The following FBXL17 variants were observed in gnomAD, a reference collection of about 807,000 sequenced individuals.
The protein encoded by FBXL17 is F-box/LRR-repeat protein 17.
A neutral mutation model predicts 66.2 loss-of-function variants in FBXL17; 22 were observed. The ratio of observed to expected loss-of-function variants is 0.33; its 90% CI spans 0.24 to 0.47. The LOEUF (loss-of-function observed/expected upper bound fraction) is 0.47. Among genes scored for constraint, FBXL17 ranks in the 20% least tolerant of loss-of-function variants. The pLI is 1.00. For missense variants in FBXL17, 878 were observed against 948.2 expected (o/e 0.93, Z 0.97); for synonymous variants, 474 against 400.5 (o/e 1.18, Z -2.19).
intron 8 of FBXL17, among the ~76,000 whole-genome samples, chr5:107,865,778 G>T (rs1163510866): frequency 6.6e-6 from 1 of 152,134 alleles, no homozygotes; most frequent in African/African-American, 2.4e-5. Context: ...CTTAGGGAGG[G>T]TTATTTTACT....
At chr5:108,113,545 G>C (rs1028779130) in intron 6 of FBXL17, among the ~76,000 whole-genome samples, 2 of 152,036 alleles carry the variant, frequency 1.3e-5, no homozygotes, top group African/African-American at 4.8e-5. Context: ...TGAAAATTAT[G>C]GGCAAGTGGA....
In FBXL17 at chr5:107,881,168, T is replaced by G. The variant is rs770890874; in HGVS notation, c.1834A>C (p.Ile612Leu). The G allele has an allele frequency of 1.2e-6, 2 of 1,604,700 alleles. No individual in the cohort carries two copies. The change falls in exon 8 of 9, where the codon ATT (isoleucine) becomes CTT (leucine). Residue 612 changes from isoleucine to leucine, a missense_variant. This residue lies in a region of FBXL17 where 236 missense variants were observed against 389.1 expected (regional missense o/e 0.61). Transcript: ENST00000542267. ...TCTATTGTCATGCTGTATCGCCCAA[T>G]GGCTATCAGTGCTGCAAGAAGGGAC... The part of the protein sequence containing the change: ...CKITDYALIA[I>L]GRYSMTIETV...
chr5:108,366,397 C>T (rs919615093), intron 2 of FBXL17, among the ~76,000 whole-genome samples: 4 of 151,980 alleles, frequency 2.6e-5, no homozygotes, highest in African/African-American at 9.7e-5. Context: ...AAGGAAAGAA[C>T]TACACTGTTA....
intron 5 of FBXL17, among the ~76,000 whole-genome samples, chr5:108,198,841 A>G (rs1421258653): frequency 1.3e-5 from 2 of 152,206 alleles, no homozygotes; most frequent in African/African-American, 4.8e-5. Context: ...TACAGGGAGT[A>G]TATCAGTTAT....
At chr5:108,134,143 CA>C (rs1751042687) in intron 6 of FBXL17, among the ~76,000 whole-genome samples, 1 of 151,978 alleles carries the variant, frequency 6.6e-6, no homozygotes, top group South Asian at 2.1e-4. Flanking sequence ...AAGATAATGC[CA>C]ATGGCAAACA....
chr5:108,349,484 G>C (rs1323251112), intron 3 of FBXL17, among the ~76,000 whole-genome samples: 2 of 152,020 alleles, frequency 1.3e-5, no homozygotes, highest in East Asian at 3.9e-4. Context: ...ATATATGTGA[G>C]TTCAGTTACT....
At chr5:108,217,417 C>G (rs1754653869) in intron 5 of FBXL17, among the ~76,000 whole-genome samples, 1 of 152,054 alleles carries the variant, frequency 6.6e-6, no homozygotes, top group African/African-American at 2.4e-5. Context: ...TTTCTCAACC[C>G]TCTGAGCTGT....
At chr5:107,960,831 G>A (rs1336996621) in intron 7 of FBXL17, among the ~76,000 whole-genome samples, 2 of 152,264 alleles carry the variant, frequency 1.3e-5, no homozygotes, top group East Asian at 3.9e-4. Context: ...CAGGTACTGT[G>A]CTGGGAAATC....
chr5:108,096,922 T>G (rs147013476), intron 6 of FBXL17, among the ~76,000 whole-genome samples: 1 of 152,184 alleles, frequency 6.6e-6, no homozygotes, highest in African/African-American at 2.4e-5. Flanking sequence ...GTGGTACACA[T>G]GTAAAGGCAC....
chr5:108,049,541 G>A (rs1484747789), intron 6 of FBXL17, among the ~76,000 whole-genome samples: 2 of 152,118 alleles, frequency 1.3e-5, no homozygotes, highest in African/African-American at 4.8e-5. Flanking sequence ...AAATGCTGAG[G>A]GATTTTGTCA....
chr5:108,335,753 T>C lies in FBXL17; in HGVS notation c.1506+12646A>G, dbSNP rs1760349989. Among the ~76,000 whole-genome samples the C allele has an allele frequency of 2.0e-5, 3 of 152,204 alleles. No homozygotes were observed. In the South Asian group the frequency reaches 6.2e-4, roughly 31 times the overall value. ...TTATATTCTTAAAAAAACCCTGTTT[T>C]TGACTGTAATCTAAAAACATGATAA... On this transcript the variant is annotated intron_variant, in intron 4 of 8. Transcript: ENST00000542267.
At chr5:108,326,651 A>G (rs887232518) in intron 4 of FBXL17, among the ~76,000 whole-genome samples, 3 of 152,058 alleles carry the variant, frequency 2.0e-5, no homozygotes, top group African/African-American at 7.2e-5. Flanking sequence ...TTTACAAAAG[A>G]AGAGATAGGA....
At chr5:108,105,983 G>T (rs910044233) in intron 6 of FBXL17, among the ~76,000 whole-genome samples, 1 of 152,050 alleles carries the variant, frequency 6.6e-6, no homozygotes, top group Non-Finnish European at 1.5e-5. Flanking sequence ...CTGGATCATC[G>T]CCGGAAAGCA....
intron 6 of FBXL17, among the ~76,000 whole-genome samples, chr5:108,185,775 G>T: frequency 6.6e-6 from 1 of 152,046 alleles, no homozygotes; most frequent in East Asian, 1.9e-4. Context: ...CACAAATGTT[G>T]CAAAAATGTT....
intron 4 of FBXL17, among the ~76,000 whole-genome samples, chr5:108,226,115 G>T (rs571840113): frequency 6.6e-6 from 1 of 152,042 alleles, no homozygotes; most frequent in Admixed American, 6.6e-5. Context: ...TATCACTACT[G>T]ATCACATTAC....
chr5:107,936,022 C>A (rs1443170998), intron 7 of FBXL17, among the ~76,000 whole-genome samples: 2 of 152,152 alleles, frequency 1.3e-5, no homozygotes, highest in Non-Finnish European at 2.9e-5. Context: ...TCAGTCAAAT[C>A]ATCAACACCC....
chr5:108,284,519 T>C (rs1412958812), intron 4 of FBXL17, among the ~76,000 whole-genome samples: 1 of 151,592 alleles, frequency 6.6e-6, no homozygotes, highest in Non-Finnish European at 1.5e-5. Context: ...GGATGTAGAG[T>C]GTGGAACAAT....
chr5:108,146,417 A>T (rs1482776661), intron 6 of FBXL17, among the ~76,000 whole-genome samples: 1 of 152,054 alleles, frequency 6.6e-6, no homozygotes, highest in Non-Finnish European at 1.5e-5. Context: ...CTATAGCAGG[A>T]TATACTAACA....
chr5:107,983,609 G>C (rs943363266), intron 7 of FBXL17, among the ~76,000 whole-genome samples: 10 of 152,112 alleles, frequency 6.6e-5, no homozygotes, highest in African/African-American at 1.9e-4. Flanking sequence ...AAAACAGAGA[G>C]AAATTTACCA....
Sources: gnomAD v4.1 joint callset for allele counts (sites outside exome capture counted in the v4.1 genomes callset) on GRCh38, gnomAD v4.1.1 for gene constraint, gnomAD v4.1.1 regional missense constraint, MANE v1.5 for transcripts, NCBI Gene and HGNC (gene_info 2026-07-23, HGNC 2026-07-21) for gene names.